Variants in CSMD1 observed in about 807,000 individuals in gnomAD.
CSMD1 encodes the protein CUB and Sushi multiple domains 1, also known as CUB and sushi domain-containing protein 1.
A neutral mutation model predicts 417.5 loss-of-function variants in CSMD1; 213 were observed. The observed-to-expected ratio is 0.51, with a 90% confidence interval of 0.46 to 0.57. CSMD1 has a LOEUF of 0.57. CSMD1 is among the 20% of genes least tolerant of loss of function. CSMD1 has a pLI of 0.00. For missense variants in CSMD1, 6,923 were observed against 4,529.7 expected (o/e 1.53, Z -15.17); for synonymous variants, 2,862 against 1,736.8 (o/e 1.65, Z -16.11).
At chr8:4,941,726 G>T (rs575219829) in intron 1 of CSMD1, among the ~76,000 whole-genome samples, 1 of 152,180 alleles carries the variant, frequency 6.6e-6, no homozygotes, top group East Asian at 1.9e-4. Context: ...AACCTCCTGA[G>T]TAGTTGGGAC....
chr8:3,387,387 A>G (rs947741393), intron 18 of CSMD1, 107 bp downstream of exon 18: 18 of 858,214 alleles, frequency 2.1e-5, no homozygotes, highest in Non-Finnish European at 3.2e-5. Context: ...AACTCACGCC[A>G]GTCGTAAGGT....
intron 3 of CSMD1, among the ~76,000 whole-genome samples, chr8:4,254,653 C>T (rs190267494): frequency 3.3e-4 from 50 of 152,242 alleles, no homozygotes; most frequent in East Asian, 1.9e-3. Context: ...TGGTAACTGC[C>T]GTAGACAGGT....
chr8:3,583,475 C>G (rs1584921192), intron 9 of CSMD1, among the ~76,000 whole-genome samples: 1 of 152,106 alleles, frequency 6.6e-6, no homozygotes, highest in East Asian at 2.0e-4. Flanking sequence ...GTGGCAGAAG[C>G]TTAGCAGAAG....
intron 29 of CSMD1, among the ~76,000 whole-genome samples, chr8:3,215,012 G>C (rs1797805294): frequency 1.3e-5 from 2 of 152,084 alleles, no homozygotes; most frequent in African/African-American, 2.4e-5. Flanking sequence ...TTTGGCTACA[G>C]ATTTTAGGAC....
At chr8:3,331,135 G>A (rs1563279817) in intron 23 of CSMD1, among the ~76,000 whole-genome samples, 1 of 151,948 alleles carries the variant, frequency 6.6e-6, no homozygotes, top group Non-Finnish European at 1.5e-5. Context: ...CTATTCAGGA[G>A]GCTGAGGCAG....
chr8:3,821,424 T>G (rs1266503616), intron 5 of CSMD1, among the ~76,000 whole-genome samples: 1 of 152,226 alleles, frequency 6.6e-6, no homozygotes, highest in African/African-American at 2.4e-5. Flanking sequence ...GATTATGCAT[T>G]CTGCTATGAC....
intron 1 of CSMD1, among the ~76,000 whole-genome samples, chr8:4,919,103 A>G (rs2117130375): frequency 6.6e-6 from 1 of 152,344 alleles, no homozygotes; most frequent in East Asian, 1.9e-4. Flanking sequence ...TGATTATGTA[A>G]CATGTCATGC....
intron 1 of CSMD1, among the ~76,000 whole-genome samples, chr8:4,911,001 C>T (rs6558938): frequency 0.043 from 6,493 of 152,186 alleles, 154 homozygotes; most frequent in Non-Finnish European, 0.055. Flanking sequence ...GGGGAATTTC[C>T]CTACAAAAAC....
intron 11 of CSMD1, among the ~76,000 whole-genome samples, chr8:3,473,571 C>T (rs1176334018): frequency 6.6e-6 from 1 of 151,972 alleles, no homozygotes; most frequent in East Asian, 1.9e-4. Context: ...ATATTGTTGC[C>T]CTTTGCAACT....
chr8:4,844,177 G>T (rs752682403), intron 1 of CSMD1, among the ~76,000 whole-genome samples: 1 of 152,028 alleles, frequency 6.6e-6, no homozygotes, highest in Non-Finnish European at 1.5e-5. Context: ...TCTACTACAC[G>T]TAGCACTGGA....
chr8:3,290,858 C>T (rs1398078252), intron 25 of CSMD1, among the ~76,000 whole-genome samples: 1 of 151,768 alleles, frequency 6.6e-6, no homozygotes, highest in Admixed American at 6.6e-5. Flanking sequence ...ACTTCCAACA[C>T]TATATTGAAT....
At chr8:4,891,364 T>G (rs552448320) in intron 1 of CSMD1, among the ~76,000 whole-genome samples, 1 of 152,170 alleles carries the variant, frequency 6.6e-6, no homozygotes, top group South Asian at 2.1e-4. Flanking sequence ...TAGAGAGCAT[T>G]TTATTCATTG....
chr8:3,435,104 G>A (rs1814463954), intron 12 of CSMD1, among the ~76,000 whole-genome samples: 1 of 152,224 alleles, frequency 6.6e-6, no homozygotes, highest in Non-Finnish European at 1.5e-5. Flanking sequence ...GAGACGGAGA[G>A]ACAGCACACC....
chr8:4,281,320 G>C lies in CSMD1; in HGVS notation c.415+138633C>G, dbSNP rs188226169. On this transcript the variant is annotated intron_variant, in intron 3 of 69. Transcript: ENST00000635120. ...TATGAAAACCTGATAGTAACTGCGA[G>C]AACAGGTGGTCCCAGGCCCACAGAG... Among the ~76,000 whole-genome samples, 199 of 152,322 alleles carry C rather than the reference G, an allele frequency of 1.3e-3. 1 individual carries two copies. Among genetic ancestry groups the C allele is most frequent in the Middle Eastern group, 3.4e-3 (1 of 294 alleles).
intron 10 of CSMD1, among the ~76,000 whole-genome samples, chr8:3,535,982 G>C (rs1253667846): frequency 6.6e-6 from 1 of 152,136 alleles, no homozygotes; most frequent in South Asian, 2.1e-4. Context: ...GCCATCCAGG[G>C]AGGGACTCTC....
In CSMD1 at chr8:4,167,400, C is replaced by T. The variant is rs191614731; in HGVS notation, c.416-135301G>A. ...AACAAACTATGTTAAATTTCATAGGCTAAAGTGTTCATGTAAAAGAAATGG... is the reference window on the plus strand; with the variant it reads ...AACAAACTATGTTAAATTTCATAGGTTAAAGTGTTCATGTAAAAGAAATGG... On this transcript the variant is annotated intron_variant, in intron 3 of 69. Transcript: ENST00000635120. Among the ~76,000 whole-genome samples the T allele has an allele frequency of 1.0e-3, 157 of 152,140 alleles. 1 individual carries two copies. Among genetic ancestry groups the T allele is most frequent in the African/African-American group, 3.6e-3 (151 of 41,508 alleles).
At chr8:4,916,866 G>A (rs1323898954) in intron 1 of CSMD1, among the ~76,000 whole-genome samples, 6 of 152,208 alleles carry the variant, frequency 3.9e-5, no homozygotes, top group Admixed American at 2.0e-4. Context: ...AGAAATGACA[G>A]AAAGGAATCC....
intron 25 of CSMD1, among the ~76,000 whole-genome samples, chr8:3,291,887 C>T (rs979623661): frequency 1.3e-5 from 2 of 151,822 alleles, no homozygotes; most frequent in African/African-American, 4.8e-5. Flanking sequence ...TGTGTTTGTT[C>T]TTGCTTTTCT....
chr8:3,238,119 G>C (rs976702263), intron 26 of CSMD1, among the ~76,000 whole-genome samples: 1 of 151,782 alleles, frequency 6.6e-6, no homozygotes, highest in Non-Finnish European at 1.5e-5. Flanking sequence ...GGGTGGGGCC[G>C]TTTTATAAGA....
Sources: gnomAD v4.1 joint callset for allele counts (sites outside exome capture counted in the v4.1 genomes callset) on GRCh38, gnomAD v4.1.1 for gene constraint, MANE v1.5 for transcripts, NCBI Gene and HGNC (gene_info 2026-07-23, HGNC 2026-07-21) for gene names.